Variants in PTPRD observed in about 807,000 individuals in gnomAD.
The protein encoded by PTPRD is protein tyrosine phosphatase receptor type D, also known as receptor-type tyrosine-protein phosphatase delta.
In PTPRD, 34 loss-of-function variants were observed where a neutral mutation model predicts 214.5. The ratio of observed to expected loss-of-function variants is 0.16; its 90% CI spans 0.12 to 0.21. The LOEUF is 0.21. PTPRD is among the 10% of genes least tolerant of loss of function. The pLI is 1.00. For missense variants in PTPRD, 2,545 were observed against 2,398.7 expected, an observed-to-expected ratio of 1.06 and a Z score of -1.27; for synonymous variants, 1,128 against 845.7, an observed-to-expected ratio of 1.33 and a Z score of -5.79.
At chr9:9,283,538 T>C (rs187036399) in intron 9 of PTPRD, among the ~76,000 whole-genome samples, 2 of 151,598 alleles carry the variant, frequency 1.3e-5, no homozygotes, top group Non-Finnish European at 3.0e-5. Context: ...AGCCCAATTA[T>C]CACTAGTGAT....
intron 2 of PTPRD, among the ~76,000 whole-genome samples, chr9:10,393,793 T>A (rs960307518): frequency 1.3e-5 from 2 of 148,438 alleles, no homozygotes; most frequent in African/African-American, 4.9e-5. Flanking sequence ...ATGACTAATA[T>A]GTAACCTTCT....
At chr9:10,232,584 A>G (rs2099615333) in intron 3 of PTPRD, among the ~76,000 whole-genome samples, 1 of 152,014 alleles carries the variant, frequency 6.6e-6, no homozygotes, top group Non-Finnish European at 1.5e-5. Context: ...GATAATAAAG[A>G]TGTTTGCATC....
intron 8 of PTPRD, among the ~76,000 whole-genome samples, chr9:9,452,575 GA>G (rs1267696609): frequency 6.6e-6 from 1 of 150,984 alleles, no homozygotes; most frequent in Admixed American, 6.6e-5. Context: ...GAGAAAGAGA[GA>G]AAAAAACTTC....
At position 10,338,883 on chromosome 9, in the gene PTPRD, A is replaced by AT. The variant is rs200994341; in HGVS notation, c.-545+2079dup. Among the ~76,000 whole-genome samples, 633 of 151,818 alleles carry AT rather than the reference A, an allele frequency of 4.2e-3. 3 individuals carry two copies. Among genetic ancestry groups the AT allele is most frequent in the African/African-American group, 0.015 (622 of 41,496 alleles). On this transcript the variant is annotated intron_variant, in intron 3 of 45. Transcript: ENST00000381196. ...TATATAGCTTATAGGATAAATGAAT[A>AT]TAAATTAAATAGAGTACATTGCTAA...
chr9:8,383,140 G>A (rs1180315225), intron 37 of PTPRD, among the ~76,000 whole-genome samples: 1 of 152,164 alleles, frequency 6.6e-6, no homozygotes, highest in Admixed American at 6.5e-5. Context: ...CTCAAGCTTT[G>A]TTTTATAGGA....
At position 8,405,104 on chromosome 9, in the gene PTPRD, C is replaced by A. The variant is rs1219518451; in HGVS notation, c.4087-444G>T. Among the ~76,000 whole-genome samples, 6 of 152,170 alleles carry A rather than the reference C, an allele frequency of 3.9e-5. No homozygotes were observed. In the South Asian group the frequency reaches 8.3e-4, roughly 21 times the overall value. On this transcript the variant is annotated intron_variant, in intron 35 of 45. Coordinates refer to ENST00000381196, the MANE Select transcript of PTPRD (RefSeq NM_002839.4). ...CTGGTCTTTCACTGGCTTCAATGGA[C>A]ACAGGCTTTACTGTTCATTCTTTAT...
chr9:9,074,386 C>T (rs978106581), intron 10 of PTPRD, among the ~76,000 whole-genome samples: 28 of 152,098 alleles, frequency 1.8e-4, no homozygotes, highest in Middle Eastern at 3.4e-3. Flanking sequence ...TTCACATATA[C>T]GCAAATTTTG....
At chr9:10,078,086 G>A (rs34429209) in intron 3 of PTPRD, among the ~76,000 whole-genome samples, 33,727 of 151,320 alleles carry the variant, frequency 0.22, 3,974 homozygotes, top group South Asian at 0.31. Flanking sequence ...AGGACCCTGA[G>A]AAATATTAGA....
chr9:9,041,629 C>T (rs2099640153), intron 10 of PTPRD, among the ~76,000 whole-genome samples: 2 of 152,188 alleles, frequency 1.3e-5, no homozygotes, highest in Non-Finnish European at 2.9e-5. Flanking sequence ...AGAACTATAC[C>T]CTGAGGAGGC....
intron 8 of PTPRD, among the ~76,000 whole-genome samples, chr9:9,414,505 G>C (rs2076429782): frequency 6.6e-6 from 1 of 152,148 alleles, no homozygotes; most frequent in South Asian, 2.1e-4. Flanking sequence ...AGTCTTCCTG[G>C]TACGTTTAGT....
At chr9:9,704,602 G>T (rs2097564297) in intron 7 of PTPRD, among the ~76,000 whole-genome samples, 2 of 152,110 alleles carry the variant, frequency 1.3e-5, no homozygotes, top group African/African-American at 4.8e-5. Context: ...CCAAAGTAAC[G>T]TTCTGGAACT....
chr9:9,927,057 T>A (rs931476054), intron 5 of PTPRD, among the ~76,000 whole-genome samples: 2 of 152,190 alleles, frequency 1.3e-5, no homozygotes, highest in Non-Finnish European at 2.9e-5. Flanking sequence ...GAGATTAATT[T>A]TGCTTATTAG....
intron 4 of PTPRD, among the ~76,000 whole-genome samples, chr9:9,981,568 G>A (rs1371133462): frequency 6.6e-6 from 1 of 151,642 alleles, no homozygotes; most frequent in Non-Finnish European, 1.5e-5. Flanking sequence ...CACCGTGTTA[G>A]CCAGGATGGT....
intron 7 of PTPRD, among the ~76,000 whole-genome samples, chr9:9,716,817 G>C (rs1427701937): frequency 6.6e-6 from 1 of 151,650 alleles, no homozygotes; most frequent in Non-Finnish European, 1.5e-5. Flanking sequence ...TCACTTTGAT[G>C]GTAGTTTCTT....
chr9:9,677,560 G>A (rs1289837075), intron 7 of PTPRD, among the ~76,000 whole-genome samples: 1 of 152,040 alleles, frequency 6.6e-6, no homozygotes, highest in Admixed American at 6.6e-5. Flanking sequence ...GTATTGATGG[G>A]ACGTATCTCA....
Position 8,772,482 on chromosome 9 carries a change from C to A in PTPRD, c.-103-38536G>T, listed in dbSNP as rs558483920. ...TGGGCAAGATAGTGAGACCCCATCT[C>A]TACAAAAAATTGAAAAATCAGCTTG... On this transcript the variant is annotated intron_variant, in intron 11 of 45. Transcript: ENST00000381196. Among the ~76,000 whole-genome samples, 30 of 152,044 alleles carry A rather than the reference C, an allele frequency of 2.0e-4. No homozygotes were observed. In the South Asian group the frequency reaches 6.2e-3, roughly 32 times the overall value.
chr9:10,605,657 C>A (rs1483734941), intron 2 of PTPRD, among the ~76,000 whole-genome samples: 1 of 151,438 alleles, frequency 6.6e-6, no homozygotes, highest in Non-Finnish European at 1.5e-5. Flanking sequence ...AGATACGTAT[C>A]TGGAAATTTT....
intron 4 of PTPRD, among the ~76,000 whole-genome samples, chr9:9,986,205 C>T (rs1313357087): frequency 3.3e-5 from 5 of 152,020 alleles, no homozygotes; most frequent in Middle Eastern, 3.4e-3. Flanking sequence ...TCCAGAATGC[C>T]GAAAGTTTTA....
At chr9:9,919,503 C>G (rs977803043) in intron 5 of PTPRD, among the ~76,000 whole-genome samples, 4 of 152,088 alleles carry the variant, frequency 2.6e-5, no homozygotes, top group Non-Finnish European at 4.4e-5. Context: ...GTGCCGCATT[C>G]GGATAATTAT....
Sources: allele counts gnomAD v4.1 joint callset (sites outside exome capture counted in the v4.1 genomes callset), GRCh38; gene constraint gnomAD v4.1.1; transcripts MANE v1.5; gene names NCBI Gene and HGNC (gene_info 2026-07-23, HGNC 2026-07-21).